PI4KA: variants seen among roughly 807,000 people sequenced by gnomAD.
PI4KA encodes PI4-kinase alpha.
A neutral mutation model predicts 271.4 loss-of-function variants in PI4KA; 122 were observed. The observed-to-expected ratio is 0.45, with a 90% CI of 0.39 to 0.52. PI4KA has a LOEUF of 0.52. Among genes scored for constraint, PI4KA ranks in the 20% least tolerant of loss-of-function variants. The pLI, the probability that PI4KA is intolerant of heterozygous loss-of-function variation, is 0.00. For synonymous variants in PI4KA, 1,041 were observed against 1,078.8 expected (o/e 0.96, Z 0.69); for missense variants, 1,969 against 2,769.1 (o/e 0.71, Z 6.48).
chr22:20,731,978 C>T (rs1335738710), intron 36 of PI4KA, among the ~76,000 whole-genome samples: 3 of 149,612 alleles, frequency 2.0e-5, no homozygotes, highest in Non-Finnish European at 4.4e-5. Flanking sequence ...CGAGACCATC[C>T]TGGCTAACAC....
intron 10 of PI4KA, among the ~76,000 whole-genome samples, chr22:20,806,107 G>A (rs527402397): frequency 2.1e-4 from 32 of 152,274 alleles, no homozygotes; most frequent in East Asian, 1.3e-3. Context: ...AACCCTTGCC[G>A]TGGCCCAGAT....
chr22:20,808,409 T>C (rs933682985), intron 9 of PI4KA, among the ~76,000 whole-genome samples: 1 of 151,138 alleles, frequency 6.6e-6, no homozygotes, highest in Non-Finnish European at 1.5e-5. Context: ...CTGTCCAACA[T>C]GGTGACACCC....
rs971136724 is a variant in PI4KA, at chr22:20,858,746, T to C, written c.-21A>G. ...GCCATCACCTCACGAGCCGCGGCGCTGCCCGCCGGCTCCCCGCTCCTGGCC... is the reference window on the plus strand; with the variant it reads ...GCCATCACCTCACGAGCCGCGGCGCCGCCCGCCGGCTCCCCGCTCCTGGCC... On this transcript the variant is annotated 5_prime_UTR_variant, in exon 1 of 55. Coordinates refer to ENST00000255882, the MANE Select transcript of PI4KA (RefSeq NM_058004.4). 3.7e-6 allele frequency: 5 copies of C among 1,368,866 alleles called. No individual in the cohort carries two copies. Among genetic ancestry groups the C allele is most frequent in the Non-Finnish European group, 4.7e-6 (5 of 1,059,562 alleles). The allele number at this position is 1,368,866 out of a possible 1,614,324, so 84.8% of individuals were successfully genotyped here. A position where few individuals can be genotyped will look rare whatever the true frequency, so the allele number is the denominator to read the frequency against.
chr22:20,841,277 T>C (rs1345784329), intron 1 of PI4KA, among the ~76,000 whole-genome samples: 1 of 152,138 alleles, frequency 6.6e-6, no homozygotes, highest in Non-Finnish European at 1.5e-5. Context: ...GGATCAGAAT[T>C]CAGCATCATC....
chr22:20,760,482 A>G (rs916743787), intron 23 of PI4KA, among the ~76,000 whole-genome samples: 1 of 152,144 alleles, frequency 6.6e-6, no homozygotes, highest in African/African-American at 2.4e-5. Context: ...ACTTTTGTAA[A>G]ACTAATATTA....
At chr22:20,818,641 G>T in intron 6 of PI4KA, 92 bp from the exon 7 acceptor site, 1 of 925,314 alleles carries the variant, frequency 1.1e-6, no homozygotes, top group Non-Finnish European at 1.6e-6. Flanking sequence ...CCAGCCCAAT[G>T]TTTGTACTTC....
intron 7 of PI4KA, among the ~76,000 whole-genome samples, chr22:20,814,648 T>C (rs1921522988): frequency 6.6e-6 from 1 of 151,816 alleles, no homozygotes; most frequent in Non-Finnish European, 1.5e-5. Context: ...CTCAGGAAGC[T>C]GGAGCAGGAG....
At chr22:20,746,218 A>G (rs1930085221) in intron 29 of PI4KA, among the ~76,000 whole-genome samples, 1 of 151,614 alleles carries the variant, frequency 6.6e-6, no homozygotes, top group Non-Finnish European at 1.5e-5. Context: ...GCCTGCCACC[A>G]TGCCCGGCTA....
chr22:20,773,862 GCT>G (rs1207434378), intron 19 of PI4KA: 1 of 152,266 alleles, frequency 6.6e-6, no homozygotes, highest in Admixed American at 6.5e-5. Flanking sequence ...AAGAGGGGCT[GCT>G]CCTGCACCAA....
At chr22:20,756,524 A>G (rs114841241) in intron 23 of PI4KA, among the ~76,000 whole-genome samples, 2 of 151,808 alleles carry the variant, frequency 1.3e-5, no homozygotes, top group South Asian at 4.2e-4. Context: ...CTGGCCTAGT[A>G]TAATAGTTTT....
At chr22:20,792,156 C>A (rs568840497) in intron 19 of PI4KA, among the ~76,000 whole-genome samples, 2 of 151,830 alleles carry the variant, frequency 1.3e-5, no homozygotes, top group East Asian at 3.8e-4. Context: ...AAATAACATG[C>A]GACATATGAC....
intron 1 of PI4KA, among the ~76,000 whole-genome samples, chr22:20,846,026 G>C (rs1301744755): frequency 2.6e-5 from 4 of 152,068 alleles, no homozygotes; most frequent in African/African-American, 9.7e-5. Context: ...GGGAGGCCGA[G>C]GCGGGCGGAT....
chr22:20,817,275 A>G (rs1407887147), intron 7 of PI4KA, among the ~76,000 whole-genome samples: 1 of 152,154 alleles, frequency 6.6e-6, no homozygotes, highest in Non-Finnish European at 1.5e-5. Context: ...ACTATACTGA[A>G]GCATGGAATT....
intron 23 of PI4KA, among the ~76,000 whole-genome samples, chr22:20,753,709 T>C (rs1435094935): frequency 5.3e-5 from 8 of 152,186 alleles, no homozygotes; most frequent in Admixed American, 5.2e-4. Context: ...TTTTTTGAGA[T>C]TGAATCTCGT....
At chr22:20,792,423 C>T (rs1214103952) in intron 19 of PI4KA, among the ~76,000 whole-genome samples, 2 of 152,082 alleles carry the variant, frequency 1.3e-5, no homozygotes, top group African/African-American at 4.8e-5. Context: ...CTCTGGTGTA[C>T]AAGGTGAAGG....
At chr22:20,805,228 A>G in intron 10 of PI4KA, 63 bp from the exon 11 acceptor site, 2 of 1,162,666 alleles carry the variant, frequency 1.7e-6, no homozygotes, top group South Asian at 2.7e-5. Flanking sequence ...AGGCAGTGCT[A>G]GCAGCGGCTA....
At chr22:20,765,321 G>C in intron 20 of PI4KA, 85 bp from the exon 21 acceptor site, 1 of 1,353,606 alleles carries the variant, frequency 7.4e-7, no homozygotes, top group East Asian at 2.3e-5. Flanking sequence ...TATAGTCATG[G>C]GTCCTTTGAG....
intron 32 of PI4KA, among the ~76,000 whole-genome samples, chr22:20,741,219 C>G (rs1378624092): frequency 6.6e-6 from 1 of 152,184 alleles, no homozygotes; most frequent in East Asian, 1.9e-4. Context: ...CTGCAGAATC[C>G]TCTCCCTGGC....
In PI4KA at chr22:20,712,696, A is replaced by C. The variant is rs1273799881; in HGVS notation, c.5673T>G (p.Pro1891=). The C allele has an allele frequency of 6.4e-7, 1 of 1,552,416 alleles. No individual in the cohort carries two copies. The highest frequency in any genetic ancestry group is 1.2e-5 in the South Asian group (1 of 84,682). ...VFPYRVVATA[P]GCGVIECIPD... is the part of the protein sequence containing the mutation. ...TGGCTCCACTCAGGGAACTTACCCC[A>C]GGGGCAGTGGCCACCACGCGGTAGG... Residue 1891 remains proline (P), a synonymous_variant, in exon 49 of 55, where the codon CCT becomes CCG. Transcript: ENST00000255882.
Sources: allele counts gnomAD v4.1 joint callset (sites outside exome capture counted in the v4.1 genomes callset), GRCh38; gene constraint gnomAD v4.1.1; transcripts MANE v1.5; gene names NCBI Gene and HGNC (gene_info 2026-07-23, HGNC 2026-07-21).